Variants in CCDC40 observed in about 807,000 individuals in gnomAD.
CCDC40 encodes the protein coiled-coil domain-containing protein 40.
CCDC40 carries 104 observed loss-of-function variants against 124.5 expected under a neutral mutation model. That is an observed-to-expected ratio of 0.84 (90% confidence interval 0.71 to 0.98). CCDC40 has a LOEUF of 0.98. Among genes scored for constraint, CCDC40 ranks in the 50% least tolerant of loss-of-function variants. The probability of loss-of-function intolerance (pLI) is 0.00; values close to 1 mark genes in which losing one functional copy is unlikely to be tolerated. For missense variants in CCDC40, 1,463 were observed against 1,503.9 expected, an observed-to-expected ratio of 0.97 and a Z score of 0.45; for synonymous variants, 580 against 602.9, an observed-to-expected ratio of 0.96 and a Z score of 0.56.
intron 17 of CCDC40, chr17:80,090,594 G>T: frequency 6.7e-7 from 1 of 1,486,168 alleles, no homozygotes; most frequent in Middle Eastern, 2.4e-4. Flanking sequence ...ACCCTCTAAC[G>T]TATCCCACTG....
intron 5 of CCDC40, among the ~76,000 whole-genome samples, chr17:80,049,597 G>A (rs765195380): frequency 2.6e-5 from 4 of 152,076 alleles, no homozygotes; most frequent in Non-Finnish European, 5.9e-5. Context: ...AGGAACTGCC[G>A]GAAGGAGCTG....
chr17:80,078,100 G>C (rs572486787), intron 10 of CCDC40, among the ~76,000 whole-genome samples: 2 of 152,222 alleles, frequency 1.3e-5, no homozygotes, highest in South Asian at 2.1e-4. Flanking sequence ...GGGAGGCCAA[G>C]GTGGGCGGAT....
At chr17:80,096,010 C>A (rs1047742089) in intron 18 of CCDC40, among the ~76,000 whole-genome samples, 1 of 152,262 alleles carries the variant, frequency 6.6e-6, no homozygotes, top group Non-Finnish European at 1.5e-5. Context: ...TGCTTACCAC[C>A]TCAACGGTTG....
intron 4 of CCDC40, 67 bp downstream of exon 4, chr17:80,047,469 A>C (rs1465018024): frequency 1.2e-5 from 19 of 1,530,096 alleles, no homozygotes; most frequent in Non-Finnish European, 1.7e-5. Context: ...CTTCTGTGCA[A>C]GGGATGCCAC....
At chr17:80,052,572 T>G (rs1042569041) in intron 7 of CCDC40, among the ~76,000 whole-genome samples, 5 of 150,874 alleles carry the variant, frequency 3.3e-5, no homozygotes, top group Non-Finnish European at 5.9e-5. Context: ...CACTCAGTAT[T>G]AACCATCACC....
intron 10 of CCDC40, chr17:80,067,565 C>T: frequency 6.5e-7 from 1 of 1,534,524 alleles, no homozygotes; most frequent in South Asian, 1.2e-5. Context: ...GCCTTTCTAC[C>T]ACATGGCATT....
Position 80,086,554 on chromosome 17 carries a change from T to G in CCDC40, c.2449+338T>G. 1 of 343,776 alleles carries G rather than the reference T, an allele frequency of 2.9e-6. No individual in the cohort carries two copies. The highest frequency in any genetic ancestry group is 5.6e-6 in the Non-Finnish European group (1 of 178,758). The allele number at this position is 343,776 out of a possible 1,614,324, so 21.3% of individuals were successfully genotyped here. A position where few individuals can be genotyped will look rare whatever the true frequency, so the allele number is the denominator to read the frequency against. ...AACACTGGCACGGGAAAAGCCAGGGTCCTGCCAGGCAGGCTCCTGGTGCTG... is the reference window on the plus strand; with the variant it reads ...AACACTGGCACGGGAAAAGCCAGGGGCCTGCCAGGCAGGCTCCTGGTGCTG... On this transcript the variant is annotated intron_variant, in intron 14 of 19. Transcript: ENST00000397545. The surrounding 1 kb of genome is among the most constrained non-coding windows in gnomAD (Gnocchi z 5.5).
intron 10 of CCDC40, among the ~76,000 whole-genome samples, chr17:80,075,685 G>T (rs569925563): frequency 6.6e-6 from 1 of 152,142 alleles, no homozygotes; most frequent in East Asian, 1.9e-4. Context: ...CACCATGTTA[G>T]CTAGGCTGGT....
At chr17:80,053,751 C>G (rs766712011) in intron 7 of CCDC40, among the ~76,000 whole-genome samples, 2 of 152,158 alleles carry the variant, frequency 1.3e-5, no homozygotes, top group East Asian at 3.9e-4. Context: ...CGCCACCATG[C>G]CTGGCTAATT....
intron 3 of CCDC40, among the ~76,000 whole-genome samples, chr17:80,042,402 G>A (rs2037305332): frequency 6.6e-6 from 1 of 152,198 alleles, no homozygotes; most frequent in South Asian, 2.1e-4. Flanking sequence ...TTACAGGTGT[G>A]AGCCATCGCT....
At position 80,090,380 on chromosome 17, in the gene CCDC40, CACACACA is replaced by C. The variant is rs1237535491; in HGVS notation, c.2832+497_2832+503del. 1.7e-4 allele frequency: 184 copies of C among 1,091,672 alleles called. 3 individuals are homozygous for C. The African/African-American group carries it at 2.7e-3, about 16-fold the overall frequency. The allele number at this position is 1,091,672 out of a possible 1,614,324, so 67.6% of individuals were successfully genotyped here. A position where few individuals can be genotyped will look rare whatever the true frequency, so the allele number is the denominator to read the frequency against. ...CGCAGGCACGTGCACGAACACAGGA[CACACACA>C]GCACGTGCATGAACAACACAGGACA... On this transcript the variant is annotated intron_variant, in intron 17 of 19. Transcript: ENST00000397545.
chr17:80,062,448 T>TC (rs955511383), intron 9 of CCDC40, among the ~76,000 whole-genome samples: 4 of 144,670 alleles, frequency 2.8e-5, no homozygotes, highest in Admixed American at 6.8e-5. Context: ...ATGCTATCTC[T>TC]CCCCCCTCCC....
At chr17:80,049,864 G>A in intron 5 of CCDC40, 42 bp from the exon 6 acceptor site, 2 of 1,577,416 alleles carry the variant, frequency 1.3e-6, no homozygotes, top group Non-Finnish European at 1.7e-6. Flanking sequence ...GGGCAGGAGG[G>A]TAACCAGAAA....
At chr17:80,095,034 G>C (rs923709883) in intron 17 of CCDC40, among the ~76,000 whole-genome samples, 3 of 152,212 alleles carry the variant, frequency 2.0e-5, no homozygotes, top group East Asian at 1.9e-4. Context: ...GGTGGCCTCA[G>C]GTCTCGGCCA....
chr17:80,077,679 TAGCAAA>T (rs1189404501), intron 10 of CCDC40, among the ~76,000 whole-genome samples: 8 of 152,218 alleles, frequency 5.3e-5, no homozygotes, highest in African/African-American at 1.9e-4. Flanking sequence ...ATATAGCCAT[TAGCAAA>T]TGTGTGGTGC....
At position 80,047,362 on chromosome 17, in the gene CCDC40, C is replaced by G. The variant is rs754379326; in HGVS notation, c.636C>G (p.Ile212Met). 6.2e-7 allele frequency: 1 copy of G among 1,613,636 alleles called. No individual in the cohort carries two copies. Among genetic ancestry groups the G allele is most frequent in the Non-Finnish European group, 8.5e-7 (1 of 1,179,842 alleles). The stretch of plus-strand genomic sequence containing the variant: ...TCCGGCTGAGCCACGGGAGCGACAT[C>G]GAGTCCTCAGACCTGGAGGAGTTCG... ...HRFRLSHGSD[I>M]ESSDLEEFVS... Residue 212 changes from isoleucine (I) to methionine (M), a missense_variant, in exon 4 of 20, where the codon ATC (isoleucine) becomes ATG (methionine). By Grantham distance (10) the Ile-to-Met change is conservative (BLOSUM62 1). Transcript: ENST00000397545.
intron 10 of CCDC40, among the ~76,000 whole-genome samples, chr17:80,079,159 C>G (rs1017666024): frequency 6.6e-6 from 1 of 151,970 alleles, no homozygotes; most frequent in African/African-American, 2.4e-5. Context: ...CTTCCTTTCT[C>G]TATTGATAGT....
At chr17:80,092,759 C>T (rs1357818594) in intron 17 of CCDC40, among the ~76,000 whole-genome samples, 2 of 151,822 alleles carry the variant, frequency 1.3e-5, no homozygotes, top group African/African-American at 4.8e-5. Context: ...TACGGGCACA[C>T]ACCACGGCAC....
chr17:80,096,335 G>T (rs2038809279), intron 18 of CCDC40, among the ~76,000 whole-genome samples: 1 of 152,234 alleles, frequency 6.6e-6, no homozygotes, highest in Non-Finnish European at 1.5e-5. Flanking sequence ...GTTCCCTGGA[G>T]AGTGCTGAAG....
Sources: gnomAD v4.1 joint callset for allele counts (sites outside exome capture counted in the v4.1 genomes callset) on GRCh38, gnomAD v4.1.1 for gene constraint, Gnocchi (gnomAD v3.1) non-coding constraint, MANE v1.5 for transcripts, NCBI Gene and HGNC (gene_info 2026-07-23, HGNC 2026-07-21) for gene names.